The following CASP6 variants were observed in gnomAD, a reference collection of about 807,000 sequenced individuals.
CASP6 encodes the protein caspase 6, also known as caspase-6.
In CASP6, 20 loss-of-function variants were observed where a neutral mutation model predicts 31.8. That is an observed-to-expected ratio of 0.63 (90% CI 0.44 to 0.91). The LOEUF is 0.91. Ranked by LOEUF, CASP6 falls within the 40% of genes least tolerant of loss-of-function variation. CASP6 has a pLI of 0.00. For missense variants in CASP6, 328 were observed against 361.1 expected, an observed-to-expected ratio of 0.91 and a Z score of 0.74; for synonymous variants, 130 against 127.8, an observed-to-expected ratio of 1.02 and a Z score of -0.12.
At chr4:109,706,629 G>T (rs1730624843), upstream of CASP6, among the ~76,000 whole-genome samples, 1 of 152,190 alleles carries the variant, frequency 6.6e-6, no homozygotes. Context: ...AATCTTTAGT[G>T]AATGGAACAA....
rs1372719009 is a variant in CASP6, at chr4:109,693,672, G to A, written c.483+853C>T. 2.7e-4 allele frequency among the ~76,000 whole-genome samples: 38 copies of A among 140,684 alleles called. No individual in the cohort carries two copies. The South Asian group carries it at 8.0e-3, about 30-fold the overall frequency. The allele number at this position is 140,684 out of a possible 152,430, so 92.3% of individuals were successfully genotyped here. A position where few individuals can be genotyped will look rare whatever the true frequency, so the allele number is the denominator to read the frequency against. On this transcript the variant is annotated intron_variant, in intron 5 of 6. Coordinates refer to ENST00000265164, the MANE Select transcript of CASP6 (RefSeq NM_001226.4). ...TGCACTCCAGCCTGGGGGACAGAGC[G>A]AGACTCCATCTCAAAAAAAAAAAAA...
chr4:109,699,385 T>C (rs1579112793), intron 1 of CASP6, among the ~76,000 whole-genome samples: 1 of 152,260 alleles, frequency 6.6e-6, no homozygotes, highest in African/African-American at 2.4e-5. Flanking sequence ...CATCACCTGA[T>C]TGATCTAACC....
chr4:109,685,661 G>A (rs60473457), downstream of CASP6, among the ~76,000 whole-genome samples: 555 of 152,254 alleles, frequency 3.6e-3, 7 homozygotes, highest in East Asian at 0.013. Context: ...ATAAAAAATA[G>A]CATTTTAGGA....
At chr4:109,674,674 T>G in the CASP6 span, among the ~76,000 whole-genome samples, 775 of 152,348 alleles carry the variant, frequency 5.1e-3, 3 homozygotes, top group African/African-American at 0.018. Flanking sequence ...CTGCATAATA[T>G]TAGTATTTAT....
the CASP6 span, among the ~76,000 whole-genome samples, chr4:109,671,386 G>A: frequency 5.9e-5 from 9 of 152,168 alleles, no homozygotes; most frequent in South Asian, 1.9e-3. Flanking sequence ...TTGTCCCACA[G>A]TTCTTAGATA....
the CASP6 span, among the ~76,000 whole-genome samples, chr4:109,674,574 A>C: frequency 6.6e-6 from 1 of 152,260 alleles, no homozygotes; most frequent in South Asian, 2.1e-4. Flanking sequence ...CTGTCCAAAA[A>C]GTGCATGGAA....
intron 5 of CASP6, chr4:109,692,445 T>C (rs1730086503): frequency 6.6e-6 from 1 of 152,192 alleles, no homozygotes; most frequent in Admixed American, 6.5e-5. Flanking sequence ...AGAAAGTAAC[T>C]TGGAAAACGA....
At chr4:109,692,590 T>C (rs1309278796) in intron 5 of CASP6, 1 of 152,238 alleles carries the variant, frequency 6.6e-6, no homozygotes, top group Non-Finnish European at 1.5e-5. Context: ...CTGGTGTCCA[T>C]CCTCCTCAGT....
At chr4:109,692,532 C>G (rs1298802020) in intron 5 of CASP6, 2 of 152,216 alleles carry the variant, frequency 1.3e-5, no homozygotes, top group African/African-American at 4.8e-5. Flanking sequence ...GTTGGCCACT[C>G]CCCTTTTCAC....
chr4:109,701,045 G>C lies in CASP6; in HGVS notation c.40+2311C>G, dbSNP rs147798726. Among the ~76,000 whole-genome samples the C allele has an allele frequency of 4.0e-3, 615 of 152,028 alleles. 7 individuals are homozygous for C. Among genetic ancestry groups the C allele is most frequent in the African/African-American group, 0.014 (572 of 41,478 alleles). On this transcript the variant is annotated intron_variant, in intron 1 of 6. Coordinates refer to ENST00000265164, the MANE Select transcript of CASP6 (RefSeq NM_001226.4). ...GTGGTCTCGGCTCACCACAACCTCC[G>C]CCTCCGGGTTCAAGCGATTCTCCCG...
the CASP6 span, among the ~76,000 whole-genome samples, chr4:109,679,216 CAG>C: frequency 8.5e-5 from 13 of 152,336 alleles, no homozygotes; most frequent in African/African-American, 3.1e-4. Context: ...GGTGGCCCGG[CAG>C]AGACACTCCT....
At chr4:109,690,250 G>C (rs867512510) in intron 6 of CASP6, among the ~76,000 whole-genome samples, 1 of 39,396 alleles carries the variant, frequency 2.5e-5, no homozygotes, top group Non-Finnish European at 5.0e-5. Context: ...AAAAAAAAAC[G>C]CACGCACGCA....
chr4:109,682,324 C>CT, the CASP6 span, among the ~76,000 whole-genome samples: 88,574 of 147,232 alleles, frequency 0.6, 26,517 homozygotes, highest in South Asian at 0.68. Context: ...TTTTTGGTGA[C>CT]TTTTTTTTTT....
the CASP6 span, among the ~76,000 whole-genome samples, chr4:109,680,265 C>T: frequency 1.3e-5 from 2 of 152,202 alleles, no homozygotes; most frequent in South Asian, 2.1e-4. Flanking sequence ...GTTTATTTCT[C>T]TTCTGGATAG....
chr4:109,700,945 C>A (rs953734236), intron 1 of CASP6, among the ~76,000 whole-genome samples: 2 of 152,172 alleles, frequency 1.3e-5, no homozygotes, highest in African/African-American at 4.8e-5. Flanking sequence ...CATTATGCCG[C>A]ATTAATATTT....
At chr4:109,701,060 C>T (rs747073355) in intron 1 of CASP6, among the ~76,000 whole-genome samples, 5 of 152,090 alleles carry the variant, frequency 3.3e-5, no homozygotes, top group African/African-American at 1.2e-4. Flanking sequence ...CGGGTTCAAG[C>T]GATTCTCCCG....
At chr4:109,683,649 T>C (rs550615486), downstream of CASP6, among the ~76,000 whole-genome samples, 48 of 152,318 alleles carry the variant, frequency 3.2e-4, 2 homozygotes, top group South Asian at 9.7e-3. Flanking sequence ...TTCTCATCTT[T>C]TTTCAGTGTA....
chr4:109,675,613 ACTT>A, the CASP6 span, among the ~76,000 whole-genome samples: 1 of 152,206 alleles, frequency 6.6e-6, no homozygotes, highest in East Asian at 1.9e-4. Flanking sequence ...GCAGTGCTGT[ACTT>A]TGAGTATGTT....
At position 109,697,764 on chromosome 4, in the gene CASP6, T is replaced by C; in HGVS notation, c.88A>G (p.Met30Val). The change falls in exon 3 of 7, where the codon ATG becomes GTG. Residue 30 changes from methionine (M) to valine (V), a missense_variant. By Grantham distance (21) the Met-to-Val change is conservative. Transcript: ENST00000265164. ...TTGTACTTTTCTGCCGGATCAAACA[T>C]TTCTCTGTTAATGAAAAGTTGAAAA... ...TETDAFYKRE[M>V]FDPAEKYKMD... The C allele has an allele frequency of 6.2e-7, 1 of 1,612,438 alleles. No homozygotes were observed. The highest frequency in any genetic ancestry group is 8.5e-7 in the Non-Finnish European group (1 of 1,179,552).
Sources: allele counts gnomAD v4.1 joint callset (sites outside exome capture counted in the v4.1 genomes callset), GRCh38; gene constraint gnomAD v4.1.1; transcripts MANE v1.5; gene names NCBI Gene and HGNC (gene_info 2026-07-23, HGNC 2026-07-21).